The following SESTD1 variants were observed in gnomAD, a reference collection of about 807,000 sequenced individuals.
The protein encoded by SESTD1 is SEC14 and spectrin domain containing 1, also known as SEC14 domain and spectrin repeat-containing protein 1.
Under a neutral mutation model 101.7 loss-of-function variants are expected in SESTD1, and 43 were observed. The observed-to-expected ratio is 0.42, with a 90% CI of 0.33 to 0.55. SESTD1 has a LOEUF of 0.55. Ranked by LOEUF, SESTD1 falls within the 20% of genes least tolerant of loss-of-function variation. The pLI is 0.07. For synonymous variants in SESTD1, 283 were observed against 286.8 expected (o/e 0.99, Z 0.13); for missense variants, 647 against 815.1 (o/e 0.79, Z 2.51).
At chr2:179,178,782 T>C (rs914541616) in intron 3 of SESTD1, among the ~76,000 whole-genome samples, 4 of 152,222 alleles carry the variant, frequency 2.6e-5, no homozygotes, top group African/African-American at 9.6e-5. Flanking sequence ...CATAATGTGA[T>C]ACTTTCTCAA....
chr2:179,240,885 G>A (rs960539206), intron 1 of SESTD1, among the ~76,000 whole-genome samples: 8 of 152,116 alleles, frequency 5.3e-5, no homozygotes, highest in African/African-American at 1.9e-4. Flanking sequence ...GAGCCCACAA[G>A]GGGCGCTGTT....
chr2:179,104,058 A>G lies in SESTD1; in HGVS notation c.*5841T>C, dbSNP rs923621086. ...CTTTTTAATGTATTTGATAATTTTC[A>G]TAACAAGATGTTGGGTAAAAATACA... On this transcript the variant is annotated 3_prime_UTR_variant, in exon 18 of 18. Transcript: ENST00000428443. 5.9e-5 allele frequency: 9 copies of G among 152,182 alleles called. No individual in the cohort carries two copies. The highest frequency in any genetic ancestry group is 1.4e-4 in the African/African-American group (6 of 41,450). The allele number at this position is 152,182 out of a possible 1,614,324, so 9.4% of individuals were successfully genotyped here.
At chr2:179,110,673 G>C (rs2154393595) in intron 17 of SESTD1, among the ~76,000 whole-genome samples, 1 of 152,232 alleles carries the variant, frequency 6.6e-6, no homozygotes, top group East Asian at 1.9e-4. Flanking sequence ...TGAATCCAGA[G>C]AGACCATCAA....
chr2:179,102,799 G>C lies in SESTD1; in HGVS notation c.*7100C>G, dbSNP rs2044300137. On this transcript the variant is annotated 3_prime_UTR_variant, in exon 18 of 18. Transcript: ENST00000428443. The stretch of plus-strand genomic sequence containing the variant: ...ACAGCTGGGTGGTATTGAATAAAGA[G>C]ACAATATTGAAAATATTTTTAAACG... 1 of 152,026 alleles carries C rather than the reference G, an allele frequency of 6.6e-6. No homozygotes were observed. Among genetic ancestry groups the C allele is most frequent in the Non-Finnish European group, 1.5e-5 (1 of 67,988 alleles). 9.4% of individuals were successfully genotyped at this position (152,026 alleles called of 1,614,324 possible).
At chr2:179,253,712 T>C (rs2047352207) in intron 1 of SESTD1, among the ~76,000 whole-genome samples, 1 of 152,096 alleles carries the variant, frequency 6.6e-6, no homozygotes, top group Non-Finnish European at 1.5e-5. Flanking sequence ...AAAGAATACA[T>C]AAGAATCTGA....
At position 179,112,705 on chromosome 2, in the gene SESTD1, A is replaced by C; in HGVS notation, c.1961+19T>G. On this transcript the variant is annotated intron_variant, in intron 17 of 17. Coordinates refer to ENST00000428443, the MANE Select transcript of SESTD1 (RefSeq NM_178123.5). ...GACCACACCAATAAAAAATAAAATTATAAGAACATGCCCCATACCCATCAG... is the reference window on the plus strand; with the variant it reads ...GACCACACCAATAAAAAATAAAATTCTAAGAACATGCCCCATACCCATCAG... 6.4e-7 allele frequency: 1 copy of C among 1,572,560 alleles called. No homozygotes were observed. Among genetic ancestry groups the C allele is most frequent in the Non-Finnish European group, 8.6e-7 (1 of 1,168,448 alleles).
intron 15 of SESTD1, chr2:179,116,462 C>T: frequency 1.5e-6 from 1 of 672,520 alleles, no homozygotes. Flanking sequence ...AGGGACCATG[C>T]AGAACATGTA....
rs565640933 is a variant in SESTD1, at chr2:179,173,055, C to A, written c.256-822G>T. Among the ~76,000 whole-genome samples the A allele has an allele frequency of 2.6e-5, 4 of 152,306 alleles. No homozygotes were observed. The South Asian group carries it at 8.3e-4, about 32-fold the overall frequency. Reference sequence around the variant, plus strand: ...TGTTGGCCTCTCAGATCTCATCTTACACCTTCCCCTGCTAGCTCACTCCTC... The same window carrying A: ...TGTTGGCCTCTCAGATCTCATCTTAAACCTTCCCCTGCTAGCTCACTCCTC... On this transcript the variant is annotated intron_variant, in intron 4 of 17. Transcript: ENST00000428443.
chr2:179,245,218 T>A (rs2047211547), intron 1 of SESTD1, among the ~76,000 whole-genome samples: 1 of 151,852 alleles, frequency 6.6e-6, no homozygotes, highest in East Asian at 1.9e-4. Flanking sequence ...AAAATATTTT[T>A]AAAAATTAGC....
chr2:179,204,075 A>G (rs1394257257), intron 1 of SESTD1, among the ~76,000 whole-genome samples: 1 of 134,082 alleles, frequency 7.5e-6, no homozygotes, highest in East Asian at 2.0e-4. Flanking sequence ...AAAAACTCAC[A>G]CATTTGATGT....
intron 1 of SESTD1, among the ~76,000 whole-genome samples, chr2:179,244,870 G>T (rs2047206991): frequency 1.3e-5 from 2 of 152,176 alleles, no homozygotes; most frequent in African/African-American, 4.8e-5. Flanking sequence ...AACACTGTAA[G>T]ATGATTATAT....
At chr2:179,238,796 G>C (rs1418729505) in intron 1 of SESTD1, among the ~76,000 whole-genome samples, 1 of 151,980 alleles carries the variant, frequency 6.6e-6, no homozygotes, top group Non-Finnish European at 1.5e-5. Flanking sequence ...AAAGTTAATT[G>C]AATTCTTATC....
intron 1 of SESTD1, among the ~76,000 whole-genome samples, chr2:179,229,749 T>TTATATATATA (rs71023472): frequency 0.012 from 1,295 of 106,258 alleles, 27 homozygotes; most frequent in African/African-American, 0.025. Flanking sequence ...TTGTAAGAAC[T>TTATATATATA]TATATATATA....
At chr2:179,172,098 T>TA in intron 5 of SESTD1, 22 bp downstream of exon 5, 1 of 1,455,350 alleles carries the variant, frequency 6.9e-7, no homozygotes, top group South Asian at 1.2e-5. Context: ...TAATGGACTT[T>TA]AAAAAAAGAG....
chr2:179,116,129 C>T (rs1047204264), intron 15 of SESTD1, among the ~76,000 whole-genome samples: 2 of 151,802 alleles, frequency 1.3e-5, no homozygotes, highest in Non-Finnish European at 2.9e-5. Context: ...CAAAAACTAG[C>T]CAGGCGTGGT....
intron 10 of SESTD1, among the ~76,000 whole-genome samples, chr2:179,127,165 C>CTCTA: frequency 6.6e-6 from 1 of 152,322 alleles, no homozygotes; most frequent in South Asian, 2.1e-4. Flanking sequence ...GCTCCCTGTA[C>CTCTA]TCTAGCCACA....
chr2:179,163,542 G>T (rs891383939), intron 5 of SESTD1, among the ~76,000 whole-genome samples: 51 of 140,068 alleles, frequency 3.6e-4, no homozygotes, highest in African/African-American at 1.2e-3. Context: ...AAGGGAACAA[G>T]AATAAAAATA....
chr2:179,150,257 T>C (rs1360108532), intron 6 of SESTD1, among the ~76,000 whole-genome samples: 1 of 152,030 alleles, frequency 6.6e-6, no homozygotes, highest in Non-Finnish European at 1.5e-5. Context: ...TAGTTATCCA[T>C]TCAGAGATAA....
chr2:179,115,393 T>C (rs2044606472), intron 15 of SESTD1, 137 bp from the exon 16 acceptor site: 1 of 611,660 alleles, frequency 1.6e-6, no homozygotes, highest in Non-Finnish European at 2.7e-6. Flanking sequence ...GTGGCACTTA[T>C]TACTACAAAT....
Sources: gnomAD v4.1 joint callset for allele counts (sites outside exome capture counted in the v4.1 genomes callset) on GRCh38, gnomAD v4.1.1 for gene constraint, MANE v1.5 for transcripts, NCBI Gene and HGNC (gene_info 2026-07-23, HGNC 2026-07-21) for gene names.